The following ACBD6 variants were observed in gnomAD, a reference collection of about 807,000 sequenced individuals.
ACBD6 encodes the protein acyl-CoA-binding domain-containing protein 6.
In ACBD6, 28 loss-of-function variants were observed where a neutral mutation model predicts 37.2. That is an observed-to-expected ratio of 0.75 (90% CI 0.56 to 1.03). The LOEUF is 1.03. ACBD6 is among the 50% of genes least tolerant of loss of function. The pLI is 0.00. For synonymous variants in ACBD6, 113 were observed against 126.8 expected, an observed-to-expected ratio of 0.89 and a Z score of 0.73; for missense variants, 340 against 337.4, an observed-to-expected ratio of 1.01 and a Z score of -0.06.
chr1:180,486,021 C>T (rs1651250819), intron 3 of ACBD6, among the ~76,000 whole-genome samples: 1 of 151,738 alleles, frequency 6.6e-6, no homozygotes, highest in South Asian at 2.1e-4. Context: ...GATATAAATA[C>T]ATGAATGTTG....
chr1:180,312,115 A>G (rs1211338572), intron 7 of ACBD6, among the ~76,000 whole-genome samples: 1 of 152,198 alleles, frequency 6.6e-6, no homozygotes, highest in Non-Finnish European at 1.5e-5. Context: ...AAATTCCACA[A>G]AGTATCTGCT....
At chr1:180,419,991 C>T (rs749280876) in intron 4 of ACBD6, among the ~76,000 whole-genome samples, 8 of 152,174 alleles carry the variant, frequency 5.3e-5, no homozygotes, top group Non-Finnish European at 8.8e-5. Context: ...TTTGGGTGCC[C>T]ATATCATAGA....
intron 3 of ACBD6, among the ~76,000 whole-genome samples, chr1:180,471,974 T>C (rs1410739526): frequency 6.6e-6 from 1 of 152,150 alleles, no homozygotes. Context: ...TCCTCAAAAA[T>C]CTCTCTCCCA....
At chr1:180,284,521 T>C, downstream of ACBD6, among the ~76,000 whole-genome samples, 1 of 151,960 alleles carries the variant, frequency 6.6e-6, no homozygotes, top group Admixed American at 6.6e-5. Context: ...TGCGCCACCA[T>C]GCTCAGATAA....
exon 14 of ACBD6, chr1:180,271,646 G>A: frequency 6.9e-7 from 1 of 1,442,924 alleles, no homozygotes; most frequent in South Asian, 1.2e-5. Flanking sequence ...CTTGACCCCA[G>A]GGCTTTTGCC....
intron 5 of ACBD6, among the ~76,000 whole-genome samples, chr1:180,401,387 AT>A (rs1342394985): frequency 2.0e-5 from 3 of 152,206 alleles, no homozygotes; most frequent in African/African-American, 7.2e-5. Context: ...ACATCTTAAT[AT>A]ATGAAATGCT....
intron 6 of ACBD6, among the ~76,000 whole-genome samples, chr1:180,349,986 A>T (rs1652344336): frequency 6.6e-6 from 1 of 151,160 alleles, no homozygotes; most frequent in Admixed American, 6.6e-5. Flanking sequence ...ACACAATAAT[A>T]GTACAACTAA....
At chr1:180,380,078 T>A (rs1430502154) in intron 6 of ACBD6, among the ~76,000 whole-genome samples, 2 of 152,000 alleles carry the variant, frequency 1.3e-5, no homozygotes, top group Non-Finnish European at 2.9e-5. Context: ...CCGGGCAATA[T>A]GGTGAAACTC....
At chr1:180,383,465 T>G (rs925800555) in intron 6 of ACBD6, among the ~76,000 whole-genome samples, 4 of 151,992 alleles carry the variant, frequency 2.6e-5, no homozygotes, top group Non-Finnish European at 5.9e-5. Context: ...TACCTGGGAA[T>G]AAATTTAACC....
At chr1:180,298,793 A>G (rs980535250) in intron 7 of ACBD6, among the ~76,000 whole-genome samples, 1 of 152,238 alleles carries the variant, frequency 6.6e-6, no homozygotes, top group African/African-American at 2.4e-5. Flanking sequence ...AATGCCTGGG[A>G]GTTATGCAAA....
chr1:180,310,356 G>C (rs1409327664), intron 7 of ACBD6, among the ~76,000 whole-genome samples: 1 of 152,082 alleles, frequency 6.6e-6, no homozygotes, highest in African/African-American at 2.4e-5. Flanking sequence ...GTGAAACACT[G>C]ACTCACAAAC....
chr1:180,286,945 TA>T (rs1201503938), downstream of ACBD6: 1 of 152,228 alleles, frequency 6.6e-6, no homozygotes, highest in Admixed American at 6.5e-5. Context: ...TAACACCTGT[TA>T]GAAAAATTAT....
downstream of ACBD6, among the ~76,000 whole-genome samples, chr1:180,287,985 T>C (rs886776358): frequency 7.9e-5 from 12 of 152,204 alleles, no homozygotes; most frequent in African/African-American, 2.9e-4. Flanking sequence ...ATCTCTACCA[T>C]GTTGGGATTG....
chr1:180,395,527 C>T (rs12567792), intron 6 of ACBD6, among the ~76,000 whole-genome samples: 3 of 151,864 alleles, frequency 2.0e-5, no homozygotes, highest in Non-Finnish European at 2.9e-5. Context: ...ACAAAGATGC[C>T]TATGTTACCA....
At chr1:180,395,200 A>G (rs1654213779) in intron 6 of ACBD6, among the ~76,000 whole-genome samples, 1 of 152,136 alleles carries the variant, frequency 6.6e-6, no homozygotes, top group African/African-American at 2.4e-5. Context: ...GATGGTGCCA[A>G]TTATGGTGAG....
intron 6 of ACBD6, among the ~76,000 whole-genome samples, chr1:180,362,145 AAG>A (rs1652877122): frequency 6.6e-6 from 1 of 152,222 alleles, no homozygotes; most frequent in Admixed American, 6.5e-5. Context: ...AATGAAGAGA[AAG>A]AGAGGGAGAG....
At chr1:180,345,967 AG>A (rs1467924174) in intron 6 of ACBD6, among the ~76,000 whole-genome samples, 4 of 152,032 alleles carry the variant, frequency 2.6e-5, no homozygotes, top group Non-Finnish European at 4.4e-5. Context: ...CCTAGCCTGT[AG>A]CAGCTCCCTA....
intron 6 of ACBD6, among the ~76,000 whole-genome samples, chr1:180,327,460 T>C (rs1351689444): frequency 1.3e-5 from 2 of 152,184 alleles, no homozygotes; most frequent in Admixed American, 6.5e-5. Context: ...CTTTTAATAA[T>C]ATGAAGTTAA....
intron 4 of ACBD6, 69 bp downstream of exon 4, chr1:180,430,111 A>C: frequency 2.3e-6 from 3 of 1,329,192 alleles, no homozygotes; most frequent in South Asian, 2.4e-5. Context: ...ACATAAGCAC[A>C]TACATACAAA....
Sources: gnomAD v4.1 joint callset for allele counts (sites outside exome capture counted in the v4.1 genomes callset) on GRCh38, gnomAD v4.1.1 for gene constraint, MANE v1.5 for transcripts, NCBI Gene and HGNC (gene_info 2026-07-23, HGNC 2026-07-21) for gene names.